The following RCAN3 variants were observed in gnomAD, a reference collection of about 807,000 sequenced individuals.
The protein encoded by RCAN3 is calcipressin-3.
A neutral mutation model predicts 21.9 loss-of-function variants in RCAN3; 19 were observed. The observed-to-expected ratio is 0.87, with a 90% CI of 0.61 to 1.27. The LOEUF is 1.27. Among genes scored for constraint, RCAN3 ranks in the 50% most tolerant of loss-of-function variants. RCAN3 has a pLI of 0.00. For missense variants in RCAN3, 240 were observed against 300.1 expected (o/e 0.80, Z 1.48); for synonymous variants, 114 against 112.3 (o/e 1.01, Z -0.09).
chr1:24,534,420 T>C (rs1325679220), intron 4 of RCAN3, among the ~76,000 whole-genome samples: 2 of 151,898 alleles, frequency 1.3e-5, no homozygotes, highest in Non-Finnish European at 2.9e-5. Context: ...CTGGCCAACA[T>C]GATAAAACCC....
intron 2 of RCAN3, among the ~76,000 whole-genome samples, chr1:24,517,178 A>G (rs1648407067): frequency 6.6e-6 from 1 of 151,194 alleles, no homozygotes; most frequent in Non-Finnish European, 1.5e-5. Flanking sequence ...GCAATGGCGC[A>G]GTCTCGGCTC....
intron 2 of RCAN3, among the ~76,000 whole-genome samples, chr1:24,527,173 A>AT (rs371968521): frequency 0.32 from 48,157 of 151,984 alleles, 8,118 homozygotes; most frequent in East Asian, 0.66. Flanking sequence ...CTAGGACTAC[A>AT]GGTGTGTAAT....
intron 4 of RCAN3, among the ~76,000 whole-genome samples, chr1:24,534,483 T>G (rs1159284795): frequency 6.6e-6 from 1 of 152,072 alleles, no homozygotes; most frequent in African/African-American, 2.4e-5. Flanking sequence ...AGCGGGCGCC[T>G]GTAGTCCCAG....
chr1:24,521,911 G>T (rs1570466552), intron 2 of RCAN3, among the ~76,000 whole-genome samples: 2 of 149,564 alleles, frequency 1.3e-5, no homozygotes, highest in South Asian at 2.1e-4. Context: ...GCTGGGGGGG[G>T]TGGGGAAAAT....
rs1650377681 is a variant in RCAN3, at chr1:24,539,024, A to G, written c.*3747A>G. The G allele has an allele frequency of 6.6e-6, 1 of 152,188 alleles. No individual in the cohort carries two copies. The highest frequency in any genetic ancestry group is 2.1e-4 in the South Asian group (1 of 4,824). The allele number at this position is 152,188 out of a possible 1,614,324, so 9.4% of individuals were successfully genotyped here. A position where few individuals can be genotyped will look rare whatever the true frequency, so the allele number is the denominator to read the frequency against. ...AAGATTTGGCTTTCTTAGAGGCTCA[A>G]TCACAGAGGTGAAAGTGACCTTGGA... On this transcript the variant is annotated 3_prime_UTR_variant, in exon 5 of 5. Coordinates refer to ENST00000374395, the MANE Select transcript of RCAN3 (RefSeq NM_013441.4).
intron 2 of RCAN3, among the ~76,000 whole-genome samples, chr1:24,523,301 G>C (rs1343524483): frequency 6.6e-6 from 1 of 152,028 alleles, no homozygotes; most frequent in African/African-American, 2.4e-5. Context: ...CTGACCTCAG[G>C]TGATCCGCCC....
intron 2 of RCAN3, among the ~76,000 whole-genome samples, chr1:24,526,473 T>C (rs112769907): frequency 1.3e-5 from 2 of 150,720 alleles, no homozygotes; most frequent in African/African-American, 5.0e-5. Flanking sequence ...AGTTACAGTG[T>C]ATTTCTGGAA....
In RCAN3 at chr1:24,537,266, C is replaced by CTT. The variant is rs1302730761; in HGVS notation, c.*1990_*1991insTT. ...AAGCAGTGCAAATTACAGTGCTTTT[C>CTT]TATTTTTTTTTTGAGAGCCTTGAAT... On this transcript the variant is annotated 3_prime_UTR_variant, in exon 5 of 5. Transcript: ENST00000374395. 6.7e-6 allele frequency: 1 copy of CTT among 148,490 alleles called. No individual in the cohort carries two copies. The highest frequency in any genetic ancestry group is 6.6e-5 in the Admixed American group (1 of 15,134). 9.2% of individuals were successfully genotyped at this position (148,490 alleles called of 1,614,324 possible).
chr1:24,530,596 G>A (rs185511), intron 2 of RCAN3, among the ~76,000 whole-genome samples: 47,354 of 152,052 alleles, frequency 0.31, 7,906 homozygotes, highest in East Asian at 0.66. Flanking sequence ...TTGTCCCACC[G>A]GGGACATCAG....
At chr1:24,527,218 T>C (rs1649348513) in intron 2 of RCAN3, among the ~76,000 whole-genome samples, 1 of 152,142 alleles carries the variant, frequency 6.6e-6, no homozygotes, top group Admixed American at 6.5e-5. Flanking sequence ...TTTCACCGCA[T>C]TGGCCAGGCT....
chr1:24,533,275 CT>C (rs1372152834), intron 4 of RCAN3, 21 bp downstream of exon 4: 1 of 1,444,234 alleles, frequency 6.9e-7, no homozygotes, highest in East Asian at 2.5e-5. Flanking sequence ...TCTATTTTTC[CT>C]ATTTTCTTCC....
At chr1:24,516,979 C>A (rs1016135622) in intron 2 of RCAN3, among the ~76,000 whole-genome samples, 1 of 151,952 alleles carries the variant, frequency 6.6e-6, no homozygotes, top group Non-Finnish European at 1.5e-5. Flanking sequence ...AATAAGTTAA[C>A]CTTGTTGTTT....
Position 24,540,100 on chromosome 1 carries a change from A to G in RCAN3, c.*4823A>G, listed in dbSNP as rs551092667. ...ATCTTCGTCAGAATGCCGTTGTTTC[A>G]TTGTGAATCAGGGGAAAATGTTAAT... is the stretch of plus-strand genomic sequence containing the variant. On this transcript the variant is annotated 3_prime_UTR_variant, in exon 5 of 5. Coordinates refer to ENST00000374395, the MANE Select transcript of RCAN3 (RefSeq NM_013441.4). 3 of 152,310 alleles carry G rather than the reference A, an allele frequency of 2.0e-5. No individual in the cohort carries two copies. Among genetic ancestry groups the G allele is most frequent in the African/African-American group, 4.8e-5 (2 of 41,564 alleles). The allele number at this position is 152,310 out of a possible 1,614,324, so 9.4% of individuals were successfully genotyped here. A position where few individuals can be genotyped will look rare whatever the true frequency, so the allele number is the denominator to read the frequency against.
chr1:24,523,470 T>C (rs2148904024), intron 2 of RCAN3, among the ~76,000 whole-genome samples: 1 of 152,188 alleles, frequency 6.6e-6, no homozygotes, highest in Non-Finnish European at 1.5e-5. Context: ...CAACTGTCTC[T>C]GTAACAGTAA....
chr1:24,535,153 G>T lies in RCAN3; in HGVS notation c.602G>T (p.Cys201Phe). Residue 201 changes from cysteine to phenylalanine, a missense_variant, in exon 5 of 5, where the codon TGT becomes TTT. Cys to Phe is a radical substitution (Grantham distance 205, BLOSUM62 -2). Coordinates refer to ENST00000374395, the MANE Select transcript of RCAN3 (RefSeq NM_013441.4). ...ESTPSVVVHV[C>F]ESETEEEEET... Reference sequence around the variant, plus strand: ...ACACCCAGCGTGGTGGTTCATGTCTGTGAAAGTGAAACTGAAGAGGAAGAA... The same window carrying T: ...ACACCCAGCGTGGTGGTTCATGTCTTTGAAAGTGAAACTGAAGAGGAAGAA... The T allele has an allele frequency of 6.3e-7, 1 of 1,598,742 alleles. No homozygotes were observed. The highest frequency in any genetic ancestry group is 2.3e-5 in the East Asian group (1 of 43,552).
intron 3 of RCAN3, among the ~76,000 whole-genome samples, chr1:24,532,864 A>ATGG (rs149390512): frequency 0.082 from 11,730 of 143,232 alleles, 1,055 homozygotes; most frequent in African/African-American, 0.23. Flanking sequence ...AGGCAGGAGA[A>ATGG]TGTGAACCCG....
chr1:24,509,510 C>A (rs1419491548), intron 1 of RCAN3, among the ~76,000 whole-genome samples: 1 of 152,202 alleles, frequency 6.6e-6, no homozygotes, highest in Admixed American at 6.5e-5. Context: ...CAAGAGACCA[C>A]CCTCTTTGCT....
At chr1:24,533,305 G>A (rs1649951016) in intron 4 of RCAN3, 51 bp downstream of exon 4, 2 of 1,416,788 alleles carry the variant, frequency 1.4e-6, no homozygotes, top group Non-Finnish European at 1.9e-6. Context: ...CTTTTGTATT[G>A]AAGATCGTAT....
chr1:24,509,618 G>C (rs550165413), intron 1 of RCAN3, among the ~76,000 whole-genome samples: 1 of 152,234 alleles, frequency 6.6e-6, no homozygotes, highest in South Asian at 2.1e-4. Context: ...TAGTTCTCTT[G>C]GTATTTCCAC....
Sources: allele counts gnomAD v4.1 joint callset (sites outside exome capture counted in the v4.1 genomes callset), GRCh38; gene constraint gnomAD v4.1.1; transcripts MANE v1.5; gene names NCBI Gene and HGNC (gene_info 2026-07-23, HGNC 2026-07-21).